RPN2: variants seen among roughly 807,000 people sequenced by gnomAD.
RPN2 encodes the protein dolichyl-diphosphooligosaccharide--protein glycosyltransferase subunit 2.
A neutral mutation model predicts 71.4 loss-of-function variants in RPN2; 29 were observed. That is an observed-to-expected ratio of 0.41 (90% CI 0.30 to 0.55). RPN2 has a LOEUF of 0.55. Ranked by LOEUF, RPN2 falls within the 20% of genes least tolerant of loss-of-function variation. RPN2 has a pLI of 0.35. For synonymous variants in RPN2, 308 were observed against 305.0 expected, an observed-to-expected ratio of 1.01 and a Z score of -0.10; for missense variants, 726 against 774.1, an observed-to-expected ratio of 0.94 and a Z score of 0.74.
chr20:37,209,896 T>G, intron 7 of RPN2, 151 bp from the exon 8 acceptor site: 1 of 1,341,028 alleles, frequency 7.5e-7, no homozygotes, highest in Non-Finnish European at 1.0e-6. Flanking sequence ...ACTTTAGGAT[T>G]AGGCAGCAGG....
intron 9 of RPN2, among the ~76,000 whole-genome samples, chr20:37,220,638 GAAAT>G (rs931479958): frequency 1.3e-5 from 2 of 152,190 alleles, no homozygotes; most frequent in African/African-American, 4.8e-5. Context: ...TTAAAGTGGA[GAAAT>G]AAGTCCCTTT....
intron 14 of RPN2, among the ~76,000 whole-genome samples, chr20:37,233,728 G>T (rs2068310175): frequency 6.6e-6 from 1 of 152,144 alleles, no homozygotes; most frequent in Admixed American, 6.5e-5. Flanking sequence ...CAGCTTCATG[G>T]TCTCACCTGT....
intron 9 of RPN2, among the ~76,000 whole-genome samples, chr20:37,221,829 A>C (rs1221133306): frequency 2.6e-5 from 4 of 151,804 alleles, no homozygotes; most frequent in African/African-American, 4.8e-5. Flanking sequence ...AATGTTTCCT[A>C]CTCCCCATTT....
chr20:37,234,036 C>A lies in RPN2; in HGVS notation c.1694C>A (p.Ala565Asp), dbSNP rs1285650387. ...LLFALWIRIG[A>D]NVSNFTFAPS... ...ATCATTCAGTGGATCCGGATTGGTGCCAATGTCTCCAACTTCACTTTTGCT... is the reference window on the plus strand; with the variant it reads ...ATCATTCAGTGGATCCGGATTGGTGACAATGTCTCCAACTTCACTTTTGCT... Residue 565 changes from alanine (A) to aspartate (D), a missense_variant, in exon 15 of 17, where the codon GCC becomes GAC. Transcript: ENST00000237530. 1 of 1,614,038 alleles carries A rather than the reference C, an allele frequency of 6.2e-7. No individual in the cohort carries two copies. The highest frequency in any genetic ancestry group is 8.5e-7 in the Non-Finnish European group (1 of 1,180,028).
intron 14 of RPN2, among the ~76,000 whole-genome samples, chr20:37,233,261 A>G (rs73293761): frequency 0.028 from 4,230 of 152,288 alleles, 72 homozygotes; most frequent in Middle Eastern, 0.041. Context: ...AGTGTTGGTC[A>G]TCTCTGAGGA....
Position 37,184,229 on chromosome 20 carries a change from G to A in RPN2, c.63G>A (p.Trp21Ter), listed in dbSNP as rs1186911451. 1 of 1,614,168 alleles carries A rather than the reference G, an allele frequency of 6.2e-7. No homozygotes were observed. ...CCCTGACAATCATAGCCAGCACCTG[G>A]GCTCTGACGCCCACTCACTACCTCA... ...LLALTIIAST[W>*]ALTPTHYLTK... Residue 21 changes from tryptophan to a stop codon, truncating the protein, a stop_gained, in exon 2 of 17, where the codon TGG becomes TGA. Transcript: ENST00000237530. LOFTEE classifies it high-confidence loss of function.
At chr20:37,209,726 T>G (rs2067609922) in intron 7 of RPN2, among the ~76,000 whole-genome samples, 1 of 152,064 alleles carries the variant, frequency 6.6e-6, no homozygotes, top group South Asian at 2.1e-4. Context: ...CAAGTGATCC[T>G]CCTGACTCAG....
intron 15 of RPN2, among the ~76,000 whole-genome samples, chr20:37,235,875 C>T (rs571025410): frequency 6.6e-6 from 1 of 152,070 alleles, no homozygotes; most frequent in Non-Finnish European, 1.5e-5. Flanking sequence ...GTCTCGAATG[C>T]CTGACCTCAA....
intron 16 of RPN2, among the ~76,000 whole-genome samples, chr20:37,237,514 A>C (rs978126594): frequency 6.6e-6 from 1 of 152,280 alleles, no homozygotes; most frequent in Non-Finnish European, 1.5e-5. Context: ...CGTGGCTGCC[A>C]GTTAGGGTGC....
chr20:37,239,796 T>G (rs1267235717), intron 16 of RPN2, among the ~76,000 whole-genome samples: 1 of 152,110 alleles, frequency 6.6e-6, no homozygotes, highest in Non-Finnish European at 1.5e-5. Context: ...CCCCACTCCC[T>G]GGCTATGCCC....
At chr20:37,204,298 T>A (rs1450783651) in intron 5 of RPN2, among the ~76,000 whole-genome samples, 1 of 152,220 alleles carries the variant, frequency 6.6e-6, no homozygotes. Flanking sequence ...ACAGGCACGT[T>A]GGTTGCCTAG....
intron 9 of RPN2, among the ~76,000 whole-genome samples, chr20:37,217,493 A>G (rs1037817636): frequency 2.6e-5 from 4 of 151,246 alleles, no homozygotes; most frequent in Admixed American, 6.6e-5. Flanking sequence ...GGGTTTCACT[A>G]TGTTGGCCAG....
chr20:37,229,546 C>T lies in RPN2; in HGVS notation c.1495-427C>T, dbSNP rs561789454. On this transcript the variant is annotated intron_variant, in intron 12 of 16. Coordinates refer to ENST00000237530, the MANE Select transcript of RPN2 (RefSeq NM_002951.5). ...AGACAAAGGGGCAGCTGCGTTTTCT[C>T]GTGTGGTATTCAAGACTTCTTTTCT... Among the ~76,000 whole-genome samples, 97 of 152,262 alleles carry T rather than the reference C, an allele frequency of 6.4e-4. 2 individuals carry two copies. The highest frequency in any genetic ancestry group is 3.1e-3 in the Admixed American group (47 of 15,292).
At chr20:37,226,458 G>T (rs1382474834) in intron 11 of RPN2, among the ~76,000 whole-genome samples, 1 of 152,198 alleles carries the variant, frequency 6.6e-6, no homozygotes, top group Non-Finnish European at 1.5e-5. Flanking sequence ...GCAGAGGTAG[G>T]AGGATCACTT....
intron 2 of RPN2, among the ~76,000 whole-genome samples, chr20:37,197,379 A>T (rs761813709): frequency 2.0e-5 from 3 of 152,190 alleles, no homozygotes; most frequent in Admixed American, 2.0e-4. Flanking sequence ...GACTGGGACA[A>T]TGTAGGTGAG....
chr20:37,211,391 A>C lies in RPN2; in HGVS notation c.986+1226A>C, dbSNP rs964296414. On this transcript the variant is annotated intron_variant, in intron 8 of 16. Transcript: ENST00000237530. ...GGCAGCTCACGCCTGTAATCCCAGC[A>C]CTTTGGGGGGGCCAAGGTGGGCGGA... Among the ~76,000 whole-genome samples, 4 of 150,398 alleles carry C rather than the reference A, an allele frequency of 2.7e-5. No homozygotes were observed. The East Asian group carries it at 8.1e-4, about 31-fold the overall frequency.
At chr20:37,213,269 A>G (rs2067719247) in intron 8 of RPN2, among the ~76,000 whole-genome samples, 1 of 152,230 alleles carries the variant, frequency 6.6e-6, no homozygotes, top group African/African-American at 2.4e-5. Flanking sequence ...AAAGGAAAAG[A>G]AAACGTTGGA....
chr20:37,225,854 A>G, intron 11 of RPN2, 52 bp downstream of exon 11: 2 of 1,202,780 alleles, frequency 1.7e-6, no homozygotes, highest in Non-Finnish European at 2.5e-6. Context: ...AATGGATACT[A>G]GAGTTTACAA....
intron 9 of RPN2, among the ~76,000 whole-genome samples, chr20:37,217,615 G>T (rs1173277029): frequency 6.6e-6 from 1 of 151,894 alleles, no homozygotes; most frequent in East Asian, 2.0e-4. Flanking sequence ...TCAGTGCTTG[G>T]TTTCCATTTA....
Sources: allele counts gnomAD v4.1 joint callset (sites outside exome capture counted in the v4.1 genomes callset), GRCh38; gene constraint gnomAD v4.1.1; transcripts MANE v1.5; gene names NCBI Gene and HGNC (gene_info 2026-07-23, HGNC 2026-07-21).